The following CEP85L variants were observed in gnomAD, a reference collection of about 807,000 sequenced individuals.
The protein encoded by CEP85L is centrosomal protein of 85 kDa-like.
Under a neutral mutation model 100.3 loss-of-function variants are expected in CEP85L, and 60 were observed. The ratio of observed to expected loss-of-function variants is 0.60; its 90% CI spans 0.49 to 0.74. The LOEUF is 0.74. CEP85L is among the 30% of genes least tolerant of loss of function. The pLI is 0.00. For missense variants in CEP85L, 973 were observed against 936.2 expected, an observed-to-expected ratio of 1.04 and a Z score of -0.51; for synonymous variants, 319 against 322.7, an observed-to-expected ratio of 0.99 and a Z score of 0.12.
chr6:118,564,204 G>C (rs185049744), intron 3 of CEP85L, among the ~76,000 whole-genome samples: 6 of 152,246 alleles, frequency 3.9e-5, no homozygotes, highest in Admixed American at 3.9e-4. Flanking sequence ...TAAAAAGCAT[G>C]AATCAGTATT....
intron 4 of CEP85L, among the ~76,000 whole-genome samples, chr6:118,514,316 G>A (rs758516749): frequency 2.0e-5 from 3 of 152,026 alleles, no homozygotes; most frequent in Middle Eastern, 3.4e-3. Flanking sequence ...CTTGAGGTCC[G>A]GAGTTCAAGA....
In CEP85L at chr6:118,470,522, A is replaced by C. The variant is rs749336451; in HGVS notation, c.2022+15T>G. On this transcript the variant is annotated intron_variant, in intron 11 of 12. Transcript: ENST00000368491. ...AATCATCCTTTCAAAGCAAAATTGA[A>C]TTTCTTCTACTCACTTCAAGCAATG... The C allele has an allele frequency of 1.6e-5, 23 of 1,478,980 alleles. No individual in the cohort carries two copies. Among genetic ancestry groups the C allele is most frequent in the Non-Finnish European group, 4.6e-6 (5 of 1,090,952 alleles). The allele number at this position is 1,478,980 out of a possible 1,614,324, so 91.6% of individuals were successfully genotyped here. A position where few individuals can be genotyped will look rare whatever the true frequency, so the allele number is the denominator to read the frequency against.
At chr6:118,612,767 A>T (rs1306363941) in intron 2 of CEP85L, among the ~76,000 whole-genome samples, 1 of 151,848 alleles carries the variant, frequency 6.6e-6, no homozygotes, top group Non-Finnish European at 1.5e-5. Flanking sequence ...CCAAAGCAGA[A>T]AAAAAGGAAG....
At chr6:118,597,860 T>G (rs1781535117) in intron 2 of CEP85L, among the ~76,000 whole-genome samples, 1 of 152,082 alleles carries the variant, frequency 6.6e-6, no homozygotes. Flanking sequence ...CAGGAGAGAG[T>G]TATTTTTTAA....
chr6:118,668,114 T>G (rs895601268), intron 1 of CEP85L, among the ~76,000 whole-genome samples: 6 of 152,334 alleles, frequency 3.9e-5, no homozygotes, highest in African/African-American at 1.4e-4. Context: ...AATTCCAATC[T>G]TCTGACTTTT....
At chr6:118,682,825 AT>A (rs1776712958) in intron 1 of CEP85L, among the ~76,000 whole-genome samples, 1 of 151,128 alleles carries the variant, frequency 6.6e-6, no homozygotes, top group African/African-American at 2.4e-5. Context: ...CTTGCTCTAA[AT>A]TTTTGCTCAT....
At chr6:118,694,674 G>C (rs1218766003) in intron 1 of CEP85L, among the ~76,000 whole-genome samples, 1 of 152,168 alleles carries the variant, frequency 6.6e-6, no homozygotes. Context: ...ATAGTTCAGT[G>C]GGAAGTGTTT....
Position 118,644,396 on chromosome 6 carries a change from C to G in CEP85L, c.73+6801G>C, listed in dbSNP as rs527950145. Among the ~76,000 whole-genome samples, 26 of 152,194 alleles carry G rather than the reference C, an allele frequency of 1.7e-4. 1 individual carries two copies. Among genetic ancestry groups the G allele is most frequent in the Admixed American group, 1.5e-3 (23 of 15,296 alleles). On this transcript the variant is annotated intron_variant, in intron 1 of 12. Coordinates refer to ENST00000368491, the MANE Select transcript of CEP85L (RefSeq NM_001042475.3). The stretch of plus-strand genomic sequence containing the variant: ...TCTATTCTCTCGGTGTGATCCATGA[C>G]CTTTAAACACCATTTATAACCAAGT...
chr6:118,626,822 T>C (rs1409058012), intron 2 of CEP85L, among the ~76,000 whole-genome samples: 1 of 152,170 alleles, frequency 6.6e-6, no homozygotes. Context: ...AAAGACAAGA[T>C]ACAGAGTGCA....
At chr6:118,562,318 T>C (rs1403043494) in intron 3 of CEP85L, among the ~76,000 whole-genome samples, 1 of 152,192 alleles carries the variant, frequency 6.6e-6, no homozygotes, top group Non-Finnish European at 1.5e-5. Context: ...TATTATTTCA[T>C]GTTAGACAAA....
intron 3 of CEP85L, among the ~76,000 whole-genome samples, chr6:118,557,395 G>A (rs776205660): frequency 3.3e-5 from 5 of 152,124 alleles, no homozygotes; most frequent in African/African-American, 4.8e-5. Context: ...AAAACAAGCT[G>A]TACCTTAAAC....
At chr6:118,698,292 A>G (rs1777280181) in intron 1 of CEP85L, among the ~76,000 whole-genome samples, 1 of 152,222 alleles carries the variant, frequency 6.6e-6, no homozygotes, top group South Asian at 2.1e-4. Context: ...TTGAATTATC[A>G]TGAGATTTAT....
intron 2 of CEP85L, among the ~76,000 whole-genome samples, chr6:118,612,535 G>A (rs1354865431): frequency 1.3e-5 from 2 of 151,234 alleles, no homozygotes; most frequent in Non-Finnish European, 1.5e-5. Flanking sequence ...GGTGACGGGT[G>A]CCTGTAGTCC....
intron 2 of CEP85L, among the ~76,000 whole-genome samples, chr6:118,597,828 C>T (rs1003388822): frequency 2.6e-5 from 4 of 152,126 alleles, no homozygotes; most frequent in Non-Finnish European, 4.4e-5. Context: ...GTCTGGATAC[C>T]GTGTGGGGCC....
chr6:118,652,440 G>C, upstream of CEP85L: 4 of 1,194,584 alleles, frequency 3.3e-6, no homozygotes, highest in Non-Finnish European at 4.2e-6. Context: ...CCAACGTTTA[G>C]TTACGAACTA....
In CEP85L at chr6:118,523,884, C is replaced by T. The variant is rs2114787398; in HGVS notation, c.1057G>A (p.Gly353Ser). The change falls in exon 4 of 13, where the codon GGC (glycine) becomes AGC (serine). Residue 353 changes from glycine to serine, a missense_variant. Physicochemically the swap from Gly to Ser is moderately conservative, Grantham distance 56 (BLOSUM62 0). This residue lies in a region of CEP85L where 890 missense variants were observed against 844.5 expected (regional missense o/e 1.05). Coordinates refer to ENST00000368491, the MANE Select transcript of CEP85L (RefSeq NM_001042475.3). The part of the protein sequence containing the change: ...TGSSRQSYSP[G>S]YQDFSKWESM... ...TCCCACTTACTGAAATCCTGATAGC[C>T]AGGTGAATAACTTTGACGAGATGAT... 1.2e-6 allele frequency: 2 copies of T among 1,607,654 alleles called. No homozygotes were observed. Among genetic ancestry groups the T allele is most frequent in the East Asian group, 2.2e-5 (1 of 44,686 alleles).
chr6:118,698,220 T>C lies in CEP85L; in HGVS notation c.-28+11816A>G, dbSNP rs548753346. ...TTTTTCCTAGAGGTGGGAAATAAATTGTCCTTGACACTGAAAGTATAAACT... is the reference window on the plus strand; with the variant it reads ...TTTTTCCTAGAGGTGGGAAATAAATCGTCCTTGACACTGAAAGTATAAACT... On this transcript the variant is annotated intron_variant, in intron 1 of 13. Coordinates refer to the CEP85L transcript ENST00000368488. Among the ~76,000 whole-genome samples the C allele has an allele frequency of 3.9e-5, 6 of 152,318 alleles. No homozygotes were observed. In the East Asian group the frequency reaches 5.8e-4, roughly 15 times the overall value.
chr6:118,697,095 G>T (rs2114341344), intron 1 of CEP85L, among the ~76,000 whole-genome samples: 1 of 152,162 alleles, frequency 6.6e-6, no homozygotes, highest in African/African-American at 2.4e-5. Context: ...GGCCCTTTTT[G>T]AGGCTCACGA....
intron 2 of CEP85L, among the ~76,000 whole-genome samples, chr6:118,603,973 T>C (rs1424727442): frequency 2.6e-5 from 4 of 152,214 alleles, no homozygotes; most frequent in Non-Finnish European, 1.5e-5. Context: ...ATAACAATTA[T>C]AAATAACATA....
Sources: gnomAD v4.1 joint callset for allele counts (sites outside exome capture counted in the v4.1 genomes callset) on GRCh38, gnomAD v4.1.1 for gene constraint, gnomAD v4.1.1 regional missense constraint, MANE v1.5 for transcripts, NCBI Gene and HGNC (gene_info 2026-07-23, HGNC 2026-07-21) for gene names.